PBRM1: variants seen among roughly 807,000 people sequenced by gnomAD.
PBRM1 encodes protein polybromo-1.
Under a neutral mutation model 194.5 loss-of-function variants are expected in PBRM1, and 27 were observed. The observed-to-expected ratio is 0.14, with a 90% CI of 0.10 to 0.19. The LOEUF (loss-of-function observed/expected upper bound fraction) is 0.19. PBRM1 is among the 10% of genes least tolerant of loss of function. The probability of loss-of-function intolerance (pLI) is 1.00; values close to 1 mark genes in which losing one functional copy is unlikely to be tolerated. For synonymous variants in PBRM1, 655 were observed against 693.2 expected (o/e 0.94, Z 0.87); for missense variants, 1,466 against 2,077.2 (o/e 0.71, Z 5.72).
intron 29 of PBRM1, among the ~76,000 whole-genome samples, chr3:52,549,084 G>C (rs934055934): frequency 6.6e-6 from 1 of 150,682 alleles, no homozygotes; most frequent in East Asian, 2.0e-4. Flanking sequence ...GCAGTGGTGC[G>C]ATCTTGGCTC....
At chr3:52,648,469 T>C (rs868479747) in intron 6 of PBRM1, 27 bp from the exon 8 acceptor site, 2 of 1,212,460 alleles carry the variant, frequency 1.6e-6, no homozygotes, top group South Asian at 1.3e-5. Context: ...AATATAGCAG[T>C]TCCTTTTAAT....
chr3:52,571,106 C>T (rs1018217635), intron 22 of PBRM1, among the ~76,000 whole-genome samples: 2 of 140,918 alleles, frequency 1.4e-5, no homozygotes, highest in African/African-American at 6.4e-5. Flanking sequence ...AGGCGCCTCA[C>T]GAGGTCAAGA....
chr3:52,672,189 C>T (rs1185821901), intron 2 of PBRM1, among the ~76,000 whole-genome samples: 3 of 152,148 alleles, frequency 2.0e-5, no homozygotes, highest in Non-Finnish European at 4.4e-5. Flanking sequence ...GGCTTGTAGT[C>T]TCCTTCCTCC....
chr3:52,558,261 T>A, exon 26 of PBRM1: 1 of 1,528,652 alleles, frequency 6.5e-7, no homozygotes, highest in Non-Finnish European at 8.8e-7. Flanking sequence ...GCAACAGGTG[T>A]CAACTGCTGA....
At chr3:52,576,688 C>T (rs2089687154) in exon 22 of PBRM1, 2 of 1,596,992 alleles carry the variant, frequency 1.3e-6, no homozygotes, top group African/African-American at 1.3e-5. Context: ...CGAACCCATA[C>T]TTTTTCAATT....
intron 17 of PBRM1, among the ~76,000 whole-genome samples, chr3:52,592,368 G>A (rs187114263): frequency 6.6e-6 from 1 of 152,212 alleles, no homozygotes; most frequent in East Asian, 1.9e-4. Flanking sequence ...CTGACCTCAG[G>A]TGATCCACCC....
intron 17 of PBRM1, among the ~76,000 whole-genome samples, chr3:52,590,584 A>G (rs1388269370): frequency 1.3e-5 from 2 of 152,216 alleles, no homozygotes; most frequent in African/African-American, 2.4e-5. Flanking sequence ...TGGAAGAGCT[A>G]ATAATAAGCA....
chr3:52,670,666 G>C (rs2096927895), intron 2 of PBRM1, among the ~76,000 whole-genome samples: 1 of 152,164 alleles, frequency 6.6e-6, no homozygotes. Flanking sequence ...TTCTTCCCAG[G>C]ATGACAGCAT....
intron 22 of PBRM1, among the ~76,000 whole-genome samples, chr3:52,570,725 T>C (rs2086784601): frequency 6.6e-6 from 1 of 152,178 alleles, no homozygotes; most frequent in Non-Finnish European, 1.5e-5. Flanking sequence ...ATAGATCAAT[T>C]TGGGGGGAAC....
At chr3:52,626,744 C>A (rs545336123) in intron 13 of PBRM1, among the ~76,000 whole-genome samples, 88 of 152,084 alleles carry the variant, frequency 5.8e-4, no homozygotes, top group South Asian at 5.2e-3. Context: ...GGAAAAAAAA[C>A]CCCAAAAATC....
chr3:52,681,708 G>A (rs900502106), upstream of PBRM1: 10 of 1,014,796 alleles, frequency 9.9e-6, no homozygotes, highest in Non-Finnish European at 1.2e-5. Flanking sequence ...CTTTACCAGA[G>A]CACAACCAGC....
rs1427890408 is a variant in PBRM1 at position 52,579,327 on chromosome 3, C to T, written c.3388-128G>A. ...AAACCACCATTGGTTACGTGGCTCACGTAATCCCAGCATTTTGGGAGGCCA... is the reference window on the plus strand; with the variant it reads ...AAACCACCATTGGTTACGTGGCTCATGTAATCCCAGCATTTTGGGAGGCCA... On this transcript the variant is annotated intron_variant, in intron 20 of 29. Coordinates refer to ENST00000296302, the Ensembl canonical transcript of PBRM1. 1.8e-5 allele frequency: 15 copies of T among 837,076 alleles called. No homozygotes were observed. In the East Asian group the frequency reaches 1.8e-4, roughly 10 times the overall value. The allele number at this position is 837,076 out of a possible 1,614,324, so 51.9% of individuals were successfully genotyped here.
upstream of PBRM1, among the ~76,000 whole-genome samples, chr3:52,683,074 G>A (rs1190648619): frequency 2.0e-5 from 3 of 151,926 alleles, no homozygotes; most frequent in African/African-American, 4.8e-5. Flanking sequence ...TTGGTGGCAC[G>A]CACCTGTAAT....
intron 10 of PBRM1, among the ~76,000 whole-genome samples, chr3:52,637,771 T>TACAAAAAAAAAAAAAAA (rs2095876072): frequency 4.8e-5 from 1 of 20,988 alleles, no homozygotes; most frequent in Non-Finnish European, 1.0e-4. Flanking sequence ...CTACTAAAAA[T>TACAAAAAAAAAAAAAAA]ACAAAAAAAA....
intron 17 of PBRM1, 124 bp downstream of exon 19, chr3:52,603,397 C>A: frequency 1.0e-6 from 1 of 960,512 alleles, no homozygotes; most frequent in East Asian, 2.6e-5. Flanking sequence ...ATTGCGTCTA[C>A]TCTAATATAG....
chr3:52,608,079 A>T lies in PBRM1; in HGVS notation c.2567+1234T>A, dbSNP rs540948996. On this transcript the variant is annotated intron_variant, in intron 16 of 29. Transcript: ENST00000296302. Reference sequence around the variant, plus strand: ...GTTCCTTACATCACCATCTTTACTAAATATAAGGTTGTGGCATGTTGTCTC... The same window carrying T: ...GTTCCTTACATCACCATCTTTACTATATATAAGGTTGTGGCATGTTGTCTC... 2.6e-5 allele frequency among the ~76,000 whole-genome samples: 4 copies of T among 152,234 alleles called. No homozygotes were observed. In the East Asian group the frequency reaches 7.7e-4, roughly 29 times the overall value.
chr3:52,549,500 AAAAACAAAACAAAAC>A (rs539563533), intron 29 of PBRM1, among the ~76,000 whole-genome samples: 17 of 152,288 alleles, frequency 1.1e-4, no homozygotes, highest in African/African-American at 3.8e-4. Context: ...CAAATGCCTG[AAAAACAAAACAAAAC>A]AAAACAAAAC....
At chr3:52,563,740 T>C (rs2084291966) in intron 23 of PBRM1, among the ~76,000 whole-genome samples, 1 of 150,828 alleles carries the variant, frequency 6.6e-6, no homozygotes, top group Non-Finnish European at 1.5e-5. Flanking sequence ...TAGTTGCCTA[T>C]ACACAGCAAA....
At chr3:52,580,128 T>A (rs959101969) in intron 20 of PBRM1, among the ~76,000 whole-genome samples, 2 of 152,070 alleles carry the variant, frequency 1.3e-5, no homozygotes, top group African/African-American at 4.8e-5. Flanking sequence ...TATTCACAGC[T>A]ACTTGGGAGG....
Sources: allele counts gnomAD v4.1 joint callset (sites outside exome capture counted in the v4.1 genomes callset), GRCh38; gene constraint gnomAD v4.1.1; transcripts MANE v1.5; gene names NCBI Gene and HGNC (gene_info 2026-07-23, HGNC 2026-07-21).